Variants in PRMT8 observed in about 807,000 individuals in gnomAD.
PRMT8 encodes the protein protein arginine methyltransferase 8, also known as protein arginine N-methyltransferase 8.
In PRMT8, 7 loss-of-function variants were observed where a neutral mutation model predicts 47.1. That is an observed-to-expected ratio of 0.15 (90% CI 0.08 to 0.28). PRMT8 has a LOEUF of 0.28. PRMT8 is among the 10% of genes least tolerant of loss of function. The pLI is 1.00. For missense variants in PRMT8, 237 were observed against 505.4 expected, an observed-to-expected ratio of 0.47 and a Z score of 5.09; for synonymous variants, 188 against 186.5, an observed-to-expected ratio of 1.01 and a Z score of -0.07.
chr12:3,443,532 C>G (rs1262334777), intron 1 of PRMT8, among the ~76,000 whole-genome samples: 1 of 152,210 alleles, frequency 6.6e-6, no homozygotes, highest in African/African-American at 2.4e-5. Context: ...ACTTCCCTCC[C>G]TTTCCACTAC....
At chr12:3,542,546 G>C (rs961983878) in intron 2 of PRMT8, among the ~76,000 whole-genome samples, 2 of 152,188 alleles carry the variant, frequency 1.3e-5, no homozygotes, top group African/African-American at 4.8e-5. Flanking sequence ...CAGGCCTGTG[G>C]CTCTGGGTAC....
intron 1 of PRMT8, among the ~76,000 whole-genome samples, chr12:3,528,714 C>T (rs1865981613): frequency 6.6e-6 from 1 of 151,864 alleles, no homozygotes; most frequent in African/African-American, 2.4e-5. Context: ...TAATTTTTGA[C>T]TAGATGCCAG....
chr12:3,455,195 A>G (rs1442490922), intron 1 of PRMT8, among the ~76,000 whole-genome samples: 1 of 152,148 alleles, frequency 6.6e-6, no homozygotes, highest in Non-Finnish European at 1.5e-5. Flanking sequence ...TGCGGTGGGC[A>G]TAACTGGTCT....
chr12:3,491,757 G>A, intron 1 of PRMT8, 57 bp downstream of exon 1: 1 of 1,541,562 alleles, frequency 6.5e-7, no homozygotes, highest in Non-Finnish European at 8.7e-7. Context: ...CCGGACCACC[G>A]CGCCGCCGCC....
intron 1 of PRMT8, among the ~76,000 whole-genome samples, chr12:3,537,599 T>C (rs866443947): frequency 8.5e-5 from 13 of 152,138 alleles, no homozygotes; most frequent in African/African-American, 3.1e-4. Context: ...ATTCATTATT[T>C]CCCCCCACCC....
rs761435405 is a variant in PRMT8 at position 3,540,620 on chromosome 12, C to A, written c.90C>A (p.Pro30=). ...AAESTEVNSP[P]SQPPQPVVPA... Reference sequence around the variant, plus strand: ...CTTCCCCTCAGGTGAACAGCCCCCCCTCCCAGCCCCCCCAGCCCGTCGTCC... The same window carrying A: ...CTTCCCCTCAGGTGAACAGCCCCCCATCCCAGCCCCCCCAGCCCGTCGTCC... Residue 30 remains proline, a synonymous_variant, in exon 2 of 10, where the codon CCC becomes CCA. Transcript: ENST00000382622. The A allele has an allele frequency of 3.2e-6, 4 of 1,231,938 alleles. No individual in the cohort carries two copies. The highest frequency in any genetic ancestry group is 3.6e-6 in the Non-Finnish European group (3 of 842,386). The allele number at this position is 1,231,938 out of a possible 1,614,324, so 76.3% of individuals were successfully genotyped here.
chr12:3,475,780 G>T (rs1865206472), intron 1 of PRMT8, among the ~76,000 whole-genome samples: 1 of 151,938 alleles, frequency 6.6e-6, no homozygotes, highest in African/African-American at 2.4e-5. Context: ...GGCCTCGGCT[G>T]CTGATTCTTG....
At chr12:3,525,438 T>C (rs1865938565) in intron 1 of PRMT8, among the ~76,000 whole-genome samples, 1 of 152,184 alleles carries the variant, frequency 6.6e-6, no homozygotes, top group Non-Finnish European at 1.5e-5. Context: ...ACTGAGGGGA[T>C]GGCCATTGCA....
intron 1 of PRMT8, among the ~76,000 whole-genome samples, chr12:3,435,217 C>A (rs1316135670): frequency 2.6e-5 from 4 of 152,104 alleles, no homozygotes; most frequent in Non-Finnish European, 5.9e-5. Flanking sequence ...GATCCGCCCA[C>A]CTCTGCCTCC....
At chr12:3,578,425 T>A (rs1010589006) in intron 7 of PRMT8, among the ~76,000 whole-genome samples, 2 of 152,000 alleles carry the variant, frequency 1.3e-5, no homozygotes, top group East Asian at 3.9e-4. Context: ...GGTTTGGCCA[T>A]GTTGCCCAGG....
intron 2 of PRMT8, among the ~76,000 whole-genome samples, 199 bp downstream of exon 2, chr12:3,540,990 T>C (rs10744619): frequency 0.99 from 150,027 of 152,246 alleles, 73,967 homozygotes; most frequent in South Asian, 1. Flanking sequence ...GGGGAGCAGG[T>C]GAAAGTGTGT....
At chr12:3,477,900 C>A (rs2137099409) in intron 1 of PRMT8, among the ~76,000 whole-genome samples, 1 of 152,166 alleles carries the variant, frequency 6.6e-6, no homozygotes, top group East Asian at 1.9e-4. Flanking sequence ...AATAAATATT[C>A]TCCTACCTTT....
Position 3,566,682 on chromosome 12 carries a change from C to G in PRMT8, c.482-2024C>G, listed in dbSNP as rs936243538. ...GGTGTGCTCTTTGCCATCCAGGAGC[C>G]TCAGTCCAAATTAATTTTCATGAAA... On this transcript the variant is annotated intron_variant, in intron 4 of 9. Transcript: ENST00000382622. This position sits in a 1 kb window ranked among gnomAD's most constrained non-coding sequence, Gnocchi z 4.7. Among the ~76,000 whole-genome samples, 2 of 152,162 alleles carry G rather than the reference C, an allele frequency of 1.3e-5. No homozygotes were observed. Among genetic ancestry groups the G allele is most frequent in the Admixed American group, 1.3e-4 (2 of 15,274 alleles).
At position 3,530,643 on chromosome 12, in the gene PRMT8, C is replaced by G. The variant is rs998188174; in HGVS notation, c.76-9963C>G. Reference sequence around the variant, plus strand: ...AAGCTCAGAGGACGAAGGGCAGAACCAAAGGCTTGAGAGTGCACAATGTGT... The same window carrying G: ...AAGCTCAGAGGACGAAGGGCAGAACGAAAGGCTTGAGAGTGCACAATGTGT... On this transcript the variant is annotated intron_variant, in intron 1 of 9. Coordinates refer to ENST00000382622, the MANE Select transcript of PRMT8 (RefSeq NM_019854.5). 2.0e-5 allele frequency among the ~76,000 whole-genome samples: 3 copies of G among 152,126 alleles called. No individual in the cohort carries two copies. In the East Asian group the frequency reaches 5.8e-4, roughly 29 times the overall value.
intron 5 of PRMT8, 70 bp downstream of exon 5, chr12:3,568,918 C>G: frequency 6.3e-7 from 1 of 1,591,200 alleles, no homozygotes; most frequent in Non-Finnish European, 8.6e-7. Context: ...AGGCCTGCAG[C>G]CTAGGAGGCA....
chr12:3,412,121 C>A (rs1002486981), intron 1 of PRMT8, among the ~76,000 whole-genome samples: 1 of 152,248 alleles, frequency 6.6e-6, no homozygotes, highest in Non-Finnish European at 1.5e-5. Context: ...ACCGACTGCA[C>A]ACCTAGGCTA....
rs564171861 is a variant in PRMT8 at position 3,432,708 on chromosome 12, C to T, written c.48+51266C>T. On this transcript the variant is annotated intron_variant, in intron 1 of 9. Coordinates refer to the PRMT8 transcript ENST00000452611. ...ATTCTAGGTGCTCATCTTTATGGCCCGGTCATGTGACCCAAATTGTTCTCT... is the reference window on the plus strand; with the variant it reads ...ATTCTAGGTGCTCATCTTTATGGCCTGGTCATGTGACCCAAATTGTTCTCT... Among the ~76,000 whole-genome samples the T allele has an allele frequency of 1.8e-3, 281 of 152,008 alleles. 1 individual carries two copies. Among genetic ancestry groups the T allele is most frequent in the African/African-American group, 6.4e-3 (264 of 41,460 alleles).
At chr12:3,543,163 C>A (rs1011011975) in intron 2 of PRMT8, among the ~76,000 whole-genome samples, 1 of 152,214 alleles carries the variant, frequency 6.6e-6, no homozygotes, top group Non-Finnish European at 1.5e-5. Context: ...TTCTGGACAT[C>A]TAGCTTAAAT....
intron 1 of PRMT8, among the ~76,000 whole-genome samples, chr12:3,509,306 T>C (rs1165355601): frequency 6.6e-6 from 1 of 152,160 alleles, no homozygotes; most frequent in East Asian, 1.9e-4. Flanking sequence ...CCTCCCTTCC[T>C]CGACTCGTTG....
Sources: allele counts gnomAD v4.1 joint callset (sites outside exome capture counted in the v4.1 genomes callset), GRCh38; gene constraint gnomAD v4.1.1; non-coding constraint Gnocchi (gnomAD v3.1); transcripts MANE v1.5; gene names NCBI Gene and HGNC (gene_info 2026-07-23, HGNC 2026-07-21).